The following BLOC1S3 variants were observed in gnomAD, a reference collection of about 807,000 sequenced individuals.
BLOC1S3 encodes biogenesis of lysosome-related organelles complex 1 subunit 3.
In BLOC1S3, 7 loss-of-function variants were observed where a neutral mutation model predicts 9.1. That is an observed-to-expected ratio of 0.77 (90% CI 0.44 to 1.45). BLOC1S3 has a LOEUF of 1.45. Among genes scored for constraint, BLOC1S3 ranks in the 40% most tolerant of loss-of-function variants. The pLI is 0.01. For missense variants in BLOC1S3, 307 were observed against 315.2 expected, an observed-to-expected ratio of 0.97 and a Z score of 0.20; for synonymous variants, 145 against 158.4, an observed-to-expected ratio of 0.92 and a Z score of 0.64.
At position 45,179,440 on chromosome 19, in the gene BLOC1S3, C is replaced by A. The variant is rs182286598; in HGVS notation, c.144C>A (p.Arg48=). Residue 48 remains arginine (R), a synonymous_variant, in exon 2 of 2, where the codon CGC becomes CGA. Transcript: ENST00000433642. The surrounding 1 kb of genome is among the most constrained non-coding windows in gnomAD (Gnocchi z 4.6). ...ELYLGPSGPT[R]GRPTGLRVAG... ...ACCTGGGTCCTTCGGGCCCGACGCG[C>A]GGCCGCCCCACGGGGCTGCGGGTGG... The A allele has an allele frequency of 0.016, 23,817 of 1,525,754 alleles. 232 individuals carry two copies. Among genetic ancestry groups the A allele is most frequent in the Non-Finnish European group, 0.019 (21,144 of 1,142,670 alleles). The allele number at this position is 1,525,754 out of a possible 1,614,324, so 94.5% of individuals were successfully genotyped here.
chr19:45,204,590 A>C (rs958896495), intron 3 of BLOC1S3, among the ~76,000 whole-genome samples: 1 of 152,192 alleles, frequency 6.6e-6, no homozygotes, highest in Non-Finnish European at 1.5e-5. Context: ...TGGAAATCCA[A>C]GATGGCGTCT....
intron 3 of BLOC1S3, chr19:45,212,804 T>C (rs1969789341): frequency 7.5e-6 from 3 of 402,064 alleles, no homozygotes; most frequent in Non-Finnish European, 1.3e-5. Context: ...CTCACTATGT[T>C]GCCCAGGCTG....
intron 3 of BLOC1S3, among the ~76,000 whole-genome samples, chr19:45,204,858 A>G (rs183501947): frequency 6.6e-6 from 1 of 151,502 alleles, no homozygotes; most frequent in African/African-American, 2.4e-5. Flanking sequence ...CAGCCTCCTG[A>G]GTAGCTGGGA....
At chr19:45,213,937 C>T (rs930173550) in intron 3 of BLOC1S3, among the ~76,000 whole-genome samples, 14 of 151,872 alleles carry the variant, frequency 9.2e-5, no homozygotes, top group African/African-American at 3.4e-4. Context: ...CTGGGTGACA[C>T]AGCGAGACTC....
chr19:45,196,659 G>A (rs1193929776), intron 2 of BLOC1S3, among the ~76,000 whole-genome samples: 1 of 151,722 alleles, frequency 6.6e-6, no homozygotes, highest in Non-Finnish European at 1.5e-5. Context: ...TTGGGAGGCC[G>A]AGGCGGGTGG....
chr19:45,209,722 A>G (rs187642654), intron 3 of BLOC1S3, among the ~76,000 whole-genome samples: 1,791 of 143,414 alleles, frequency 0.012, 17 homozygotes, highest in South Asian at 0.03. Flanking sequence ...TGCCCGGCCT[A>G]TTTTATTTTT....
chr19:45,188,547 C>CT (rs1206084470), intron 2 of BLOC1S3, among the ~76,000 whole-genome samples: 9 of 112,110 alleles, frequency 8.0e-5, no homozygotes, highest in African/African-American at 3.7e-4. Context: ...TTCATTCTTT[C>CT]TAATTATTAT....
chr19:45,188,057 C>G (rs549406364), intron 2 of BLOC1S3, among the ~76,000 whole-genome samples: 1 of 152,294 alleles, frequency 6.6e-6, no homozygotes, highest in South Asian at 2.1e-4. Context: ...GAGCCTCACT[C>G]TGTCGCCCAG....
chr19:45,195,377 T>C (rs1363893583), intron 2 of BLOC1S3, among the ~76,000 whole-genome samples: 1 of 151,518 alleles, frequency 6.6e-6, no homozygotes, highest in Non-Finnish European at 1.5e-5. Flanking sequence ...CAGTTACTTT[T>C]TGTAATTTTA....
At chr19:45,205,902 T>C (rs768265565) in intron 3 of BLOC1S3, among the ~76,000 whole-genome samples, 1 of 152,130 alleles carries the variant, frequency 6.6e-6, no homozygotes, top group Non-Finnish European at 1.5e-5. Context: ...CTGCTCAACA[T>C]CCTCAGTCGT....
intron 2 of BLOC1S3, among the ~76,000 whole-genome samples, chr19:45,193,126 C>G (rs1341525683): frequency 5.7e-5 from 5 of 88,332 alleles, no homozygotes; most frequent in African/African-American, 2.0e-4. Flanking sequence ...GAGCAAAACT[C>G]CGTCTCAAAA....
intron 2 of BLOC1S3, among the ~76,000 whole-genome samples, chr19:45,194,932 C>CTT (rs112584333): frequency 0.13 from 18,746 of 140,032 alleles, 1,668 homozygotes; most frequent in African/African-American, 0.23. Context: ...GTGTGTTATA[C>CTT]TTTTTTTTTT....
chr19:45,196,634 T>C (rs1346950247), intron 2 of BLOC1S3, among the ~76,000 whole-genome samples: 4 of 152,166 alleles, frequency 2.6e-5, no homozygotes, highest in Non-Finnish European at 4.4e-5. Flanking sequence ...GGCTCACGCC[T>C]GTAATCCTAG....
chr19:45,188,089 C>A (rs1599750406), intron 2 of BLOC1S3, among the ~76,000 whole-genome samples: 2 of 152,254 alleles, frequency 1.3e-5, no homozygotes, highest in South Asian at 2.1e-4. Context: ...GCAGCGTGAT[C>A]TCAGCTCACT....
chr19:45,202,811 C>CT (rs1969701148), intron 3 of BLOC1S3, among the ~76,000 whole-genome samples: 1 of 152,110 alleles, frequency 6.6e-6, no homozygotes, highest in Non-Finnish European at 1.5e-5. Context: ...CGAGCACTCT[C>CT]TGGCAACCAC....
intron 3 of BLOC1S3, among the ~76,000 whole-genome samples, chr19:45,213,699 C>G (rs1378137104): frequency 6.6e-6 from 1 of 151,700 alleles, no homozygotes; most frequent in African/African-American, 2.4e-5. Context: ...AATCCCAGCA[C>G]TTTGGGGGGC....
At chr19:45,187,986 A>G (rs572668330) in intron 2 of BLOC1S3, among the ~76,000 whole-genome samples, 58 of 152,212 alleles carry the variant, frequency 3.8e-4, no homozygotes, top group African/African-American at 1.4e-3. Flanking sequence ...AAAATGGGGT[A>G]TCCACTCCCT....
chr19:45,192,541 A>T (rs1969614015), intron 2 of BLOC1S3, among the ~76,000 whole-genome samples: 1 of 152,180 alleles, frequency 6.6e-6, no homozygotes, highest in Non-Finnish European at 1.5e-5. Context: ...TCATATCTGA[A>T]GTCAGTGTGT....
intron 2 of BLOC1S3, among the ~76,000 whole-genome samples, chr19:45,191,668 G>A (rs1306472453): frequency 1.3e-5 from 2 of 152,230 alleles, no homozygotes; most frequent in East Asian, 3.8e-4. Flanking sequence ...GGAATGCCGT[G>A]GCCCTTGGAG....
Sources: allele counts gnomAD v4.1 joint callset (sites outside exome capture counted in the v4.1 genomes callset), GRCh38; gene constraint gnomAD v4.1.1; non-coding constraint Gnocchi (gnomAD v3.1); transcripts MANE v1.5; gene names NCBI Gene and HGNC (gene_info 2026-07-23, HGNC 2026-07-21).